Variants in ACTR3 observed in about 807,000 individuals in gnomAD.
ACTR3 encodes the protein actin-related protein 3.
Under a neutral mutation model 56.8 loss-of-function variants are expected in ACTR3, and 12 were observed. The ratio of observed to expected loss-of-function variants is 0.21; its 90% CI spans 0.14 to 0.34. The LOEUF is 0.34. ACTR3 is among the 10% of genes least tolerant of loss of function. The pLI, the probability that ACTR3 is intolerant of heterozygous loss-of-function variation, is 1.00. For synonymous variants in ACTR3, 162 were observed against 167.4 expected, an observed-to-expected ratio of 0.97 and a Z score of 0.25; for missense variants, 282 against 512.5, an observed-to-expected ratio of 0.55 and a Z score of 4.34.
chr2:113,962,244 T>A lies in ACTR3; in HGVS notation c.*4789T>A, dbSNP rs568115637. The A allele has an allele frequency of 9.3e-4, 141 of 152,102 alleles. 1 individual carries two copies. The highest frequency in any genetic ancestry group is 3.2e-3 in the African/African-American group (135 of 41,550). 9.4% of individuals were successfully genotyped at this position (152,102 alleles called of 1,614,324 possible). A position where few individuals can be genotyped will look rare whatever the true frequency, so the allele number is the denominator to read the frequency against. Reference sequence around the variant, plus strand: ...ATCATGACTTTTCTGAAGCAGGTCTTAAATAATTATCTAAGCCTTCAGTCA... The same window carrying A: ...ATCATGACTTTTCTGAAGCAGGTCTAAAATAATTATCTAAGCCTTCAGTCA... On this transcript the variant is annotated 3_prime_UTR_variant, in exon 12 of 12. Transcript: ENST00000263238.
intron 2 of ACTR3, among the ~76,000 whole-genome samples, chr2:113,914,397 G>A (rs1462739899): frequency 6.6e-6 from 1 of 152,142 alleles, no homozygotes; most frequent in Non-Finnish European, 1.5e-5. Context: ...CAGATCACGA[G>A]GTCAGGAGTT....
At chr2:113,946,711 C>G (rs769831623) in intron 8 of ACTR3, among the ~76,000 whole-genome samples, 37 of 152,112 alleles carry the variant, frequency 2.4e-4, no homozygotes, top group Non-Finnish European at 4.6e-4. Context: ...TAATTAGATC[C>G]CATTTGTCAT....
chr2:113,890,745 C>G (rs1678877332), intron 1 of ACTR3: 2 of 1,051,482 alleles, frequency 1.9e-6, no homozygotes, highest in Admixed American at 5.3e-5. Context: ...GGGGACTGGC[C>G]TGGCAGGGGA....
At chr2:113,921,349 A>T in intron 3 of ACTR3, among the ~76,000 whole-genome samples, 1 of 147,362 alleles carries the variant, frequency 6.8e-6, no homozygotes. Flanking sequence ...TGTTGAATTG[A>T]ATTCCTTATA....
rs1196856764 is a variant in ACTR3 at position 113,890,781 on chromosome 2, A to AGGTTTGACAAGATC, written c.44+460_44+473dup. The AGGTTTGACAAGATC allele has an allele frequency of 5.9e-6, 6 of 1,009,628 alleles. No individual in the cohort carries two copies. The East Asian group carries it at 6.1e-4, about 102-fold the overall frequency. 62.5% of individuals were successfully genotyped at this position (1,009,628 alleles called of 1,614,324 possible). ...GCTAGAAAAGAGAAGCGCTCCTGGT[A>AGGTTTGACAAGATC]GGTTTGACAAGATCGCTGTGACAAC... On this transcript the variant is annotated intron_variant, in intron 1 of 11. Coordinates refer to ENST00000263238, the MANE Select transcript of ACTR3 (RefSeq NM_005721.5).
rs1680311969 is a variant in ACTR3, at chr2:113,960,801, A to C, written c.*3346A>C. On this transcript the variant is annotated 3_prime_UTR_variant, in exon 12 of 12. Transcript: ENST00000263238. ...CCACCCAGATTTCCAACTCGGGTTA[A>C]TTGGTACTAATTCTATTAGCTGGTA... 6.6e-6 allele frequency: 1 copy of C among 151,966 alleles called. No individual in the cohort carries two copies. The highest frequency in any genetic ancestry group is 2.4e-5 in the African/African-American group (1 of 41,418). 9.4% of individuals were successfully genotyped at this position (151,966 alleles called of 1,614,324 possible). A position where few individuals can be genotyped will look rare whatever the true frequency, so the allele number is the denominator to read the frequency against.
At chr2:113,910,895 TAGAG>T (rs1246879059) in intron 1 of ACTR3, among the ~76,000 whole-genome samples, 1 of 152,162 alleles carries the variant, frequency 6.6e-6, no homozygotes, top group African/African-American at 2.4e-5. Context: ...AGAATAAAAG[TAGAG>T]AGATTAATAT....
chr2:113,951,359 C>G, intron 8 of ACTR3, 120 bp from the exon 9 acceptor site: 2 of 581,812 alleles, frequency 3.4e-6, no homozygotes, highest in East Asian at 5.8e-5. Context: ...CTGTTAGAGA[C>G]CAGTATTAGT....
intron 2 of ACTR3, among the ~76,000 whole-genome samples, 171 bp from the exon 3 acceptor site, chr2:113,916,713 T>C (rs1679411193): frequency 6.6e-6 from 1 of 152,210 alleles, no homozygotes; most frequent in South Asian, 2.1e-4. Context: ...TTTCGTTGTG[T>C]GAAATGAATT....
At chr2:113,912,388 A>G (rs377244376) in intron 1 of ACTR3, among the ~76,000 whole-genome samples, 25 of 152,194 alleles carry the variant, frequency 1.6e-4, no homozygotes, top group East Asian at 1.4e-3. Context: ...AGTAGCCCCC[A>G]CATACTGCTT....
chr2:113,933,303 G>T (rs965057572), intron 5 of ACTR3, among the ~76,000 whole-genome samples: 31 of 152,154 alleles, frequency 2.0e-4, no homozygotes, highest in African/African-American at 7.2e-4. Context: ...AAGGTCAGGA[G>T]TTCAAGATCA....
At position 113,916,921 on chromosome 2, in the gene ACTR3, A is replaced by G. The variant is rs1329181869; in HGVS notation, c.138A>G (p.Gln46=). 1.2e-6 allele frequency: 2 copies of G among 1,610,054 alleles called. No individual in the cohort carries two copies. The highest frequency in any genetic ancestry group is 1.1e-5 in the South Asian group (1 of 90,732). The change falls in exon 3 of 12, where the codon CAA becomes CAG. Residue 46 remains glutamine (Q), a synonymous_variant. Coordinates refer to ENST00000263238, the MANE Select transcript of ACTR3 (RefSeq NM_005721.5). ...AGGAGTCAGCAAAAGTGGGTGATCA[A>G]GCTCAAAGGAGGGTGATGAAAGGTG... The part of the protein sequence containing the change: ...AIKESAKVGD[Q]AQRRVMKGVD...
chr2:113,950,238 A>G (rs767052484), intron 8 of ACTR3, among the ~76,000 whole-genome samples: 9 of 152,228 alleles, frequency 5.9e-5, no homozygotes, highest in Non-Finnish European at 1.2e-4. Flanking sequence ...GAACAAAGCT[A>G]TCTAACTTGC....
At chr2:113,933,677 A>ATTTTTTTTTTTTTTTTTTTTTTTTTTT (rs1167918809) in intron 5 of ACTR3, among the ~76,000 whole-genome samples, 1 of 123,850 alleles carries the variant, frequency 8.1e-6, no homozygotes, top group Non-Finnish European at 1.6e-5. Flanking sequence ...GTTCTATACA[A>ATTTTTTTTTTTTTTTTTTTTTTTTTTT]TTTTTTTTTT....
rs1412394637 is a variant in ACTR3 at position 113,898,630 on chromosome 2, A to G, written c.44+8307A>G. Reference sequence around the variant, plus strand: ...AACTAATTTTATGTTTCCCAATAATAATGTTTTAAACCAAGTTTAGAGATA... The same window carrying G: ...AACTAATTTTATGTTTCCCAATAATGATGTTTTAAACCAAGTTTAGAGATA... On this transcript the variant is annotated intron_variant, in intron 1 of 11. Coordinates refer to ENST00000263238, the MANE Select transcript of ACTR3 (RefSeq NM_005721.5). Among the ~76,000 whole-genome samples, 3 of 152,204 alleles carry G rather than the reference A, an allele frequency of 2.0e-5. No homozygotes were observed. The East Asian group carries it at 5.8e-4, about 29-fold the overall frequency.
At chr2:113,905,753 AGTT>A (rs1679180926) in intron 1 of ACTR3, among the ~76,000 whole-genome samples, 2 of 152,100 alleles carry the variant, frequency 1.3e-5, no homozygotes, top group Non-Finnish European at 2.9e-5. Flanking sequence ...ATTGTACAAT[AGTT>A]GTCCTTTTGT....
chr2:113,927,131 G>A (rs2104605506), intron 3 of ACTR3, among the ~76,000 whole-genome samples: 1 of 152,108 alleles, frequency 6.6e-6, no homozygotes, highest in Admixed American at 6.5e-5. Flanking sequence ...TATTCACTTT[G>A]TTTTTATTGA....
chr2:113,890,751 G>A, intron 1 of ACTR3: 2 of 1,044,034 alleles, frequency 1.9e-6, no homozygotes, highest in Non-Finnish European at 2.3e-6. Context: ...TGGCCTGGCA[G>A]GGGAGCTAGA....
At chr2:113,946,933 G>A (rs776818343) in intron 8 of ACTR3, among the ~76,000 whole-genome samples, 2 of 152,212 alleles carry the variant, frequency 1.3e-5, no homozygotes, top group Non-Finnish European at 2.9e-5. Context: ...TTTCCAAACA[G>A]GATTGAAATA....
Sources: allele counts gnomAD v4.1 joint callset (sites outside exome capture counted in the v4.1 genomes callset), GRCh38; gene constraint gnomAD v4.1.1; transcripts MANE v1.5; gene names NCBI Gene and HGNC (gene_info 2026-07-23, HGNC 2026-07-21).